The following MAST2 variants were observed in gnomAD, a reference collection of about 807,000 sequenced individuals.
The protein encoded by MAST2 is microtubule associated serine/threonine kinase 2.
A neutral mutation model predicts 147.4 loss-of-function variants in MAST2; 70 were observed. The ratio of observed to expected loss-of-function variants is 0.47; its 90% CI spans 0.39 to 0.58. The LOEUF (loss-of-function observed/expected upper bound fraction) is 0.58. Among genes scored for constraint, MAST2 ranks in the 20% least tolerant of loss-of-function variants. MAST2 has a pLI of 0.00. For missense variants in MAST2, 2,080 were observed against 2,302.3 expected (o/e 0.90, Z 1.98); for synonymous variants, 869 against 896.8 (o/e 0.97, Z 0.55).
chr1:45,942,269 G>T (rs1239684350), intron 4 of MAST2, among the ~76,000 whole-genome samples: 1 of 151,968 alleles, frequency 6.6e-6, no homozygotes, highest in African/African-American at 2.4e-5. Context: ...CAAAATTACA[G>T]TAATGTTGTA....
chr1:45,860,278 G>A (rs1645934374), intron 3 of MAST2, among the ~76,000 whole-genome samples: 2 of 149,952 alleles, frequency 1.3e-5, no homozygotes, highest in Admixed American at 1.3e-4. Flanking sequence ...CAGCTACTCG[G>A]GAGGCTGAGG....
chr1:45,883,732 T>G (rs1646944103), intron 4 of MAST2, among the ~76,000 whole-genome samples: 1 of 152,098 alleles, frequency 6.6e-6, no homozygotes, highest in African/African-American at 2.4e-5. Context: ...AAATTCAGTT[T>G]CTAGCAGTGG....
At chr1:45,947,096 G>A (rs1658151314) in intron 4 of MAST2, among the ~76,000 whole-genome samples, 1 of 151,980 alleles carries the variant, frequency 6.6e-6, no homozygotes, top group East Asian at 1.9e-4. Flanking sequence ...CTTGACTTAG[G>A]GAAAGCTATG....
chr1:46,019,479 G>C lies in MAST2; in HGVS notation c.1189-117G>C. The C allele has an allele frequency of 1.6e-5, 12 of 735,990 alleles. No individual in the cohort carries two copies. The South Asian group carries it at 2.1e-4, about 13-fold the overall frequency. 45.6% of individuals were successfully genotyped at this position (735,990 alleles called of 1,614,324 possible). On this transcript the variant is annotated intron_variant, in intron 10 of 28. Transcript: ENST00000361297. ...CAGCCTTCTCTGAGTTCCTTGCTTT[G>C]CGGAGCTCTCTATGCTACCGAATTG...
intron 3 of MAST2, among the ~76,000 whole-genome samples, chr1:45,866,603 G>A (rs891929023): frequency 6.6e-6 from 1 of 152,116 alleles, no homozygotes; most frequent in East Asian, 1.9e-4. Context: ...TCTAGTATTT[G>A]CTACCTTGTT....
intron 5 of MAST2, among the ~76,000 whole-genome samples, chr1:45,966,891 G>C (rs1350209299): frequency 7.1e-5 from 10 of 141,014 alleles, no homozygotes; most frequent in African/African-American, 1.1e-4. Context: ...TTTTAAGGCA[G>C]GGTCTCACGC....
At chr1:46,001,083 T>G in intron 6 of MAST2, 1 of 904,446 alleles carries the variant, frequency 1.1e-6, no homozygotes. Flanking sequence ...GTGATGATTC[T>G]TCTCTGACTG....
intron 10 of MAST2, among the ~76,000 whole-genome samples, chr1:46,019,107 A>G (rs945182649): frequency 5.9e-5 from 9 of 151,990 alleles, no homozygotes; most frequent in Non-Finnish European, 1.0e-4. Flanking sequence ...TGCCTTTTTC[A>G]TCTGAATTAT....
In MAST2 at chr1:45,978,405, A is replaced by G. The variant is rs140602213; in HGVS notation, c.592+18928A>G. ...GTGGCGCACACCTGTAATCCCAGCT[A>G]CTCAGGAGGCCGAGGCAAAAGAATT... On this transcript the variant is annotated intron_variant, in intron 5 of 28. Coordinates refer to ENST00000361297, the MANE Select transcript of MAST2 (RefSeq NM_015112.3). Among the ~76,000 whole-genome samples, 853 of 152,258 alleles carry G rather than the reference A, an allele frequency of 5.6e-3. 12 individuals carry two copies. The highest frequency in any genetic ancestry group is 0.02 in the African/African-American group (813 of 41,550).
chr1:45,820,893 C>CTTTT lies in MAST2; in HGVS notation c.178-3519_178-3516dup, dbSNP rs769508054. 3.2e-3 allele frequency among the ~76,000 whole-genome samples: 136 copies of CTTTT among 43,078 alleles called. 2 individuals are homozygous for CTTTT. Among genetic ancestry groups the CTTTT allele is most frequent in the African/African-American group, 6.7e-3 (69 of 10,236 alleles). The allele number at this position is 43,078 out of a possible 152,430, so 28.3% of individuals were successfully genotyped here. A position where few individuals can be genotyped will look rare whatever the true frequency, so the allele number is the denominator to read the frequency against. On this transcript the variant is annotated intron_variant, in intron 1 of 28. Transcript: ENST00000361297. ...TCGATTTCAATTTCTCTTTCTTTCT[C>CTTTT]TTTTTTTTTTTTTTTTTTTTTTTTG...
intron 4 of MAST2, among the ~76,000 whole-genome samples, chr1:45,896,042 ATTTT>A (rs71062724): frequency 7.7e-6 from 1 of 129,346 alleles, no homozygotes. Flanking sequence ...TATTTCTTAG[ATTTT>A]TTTTTTTTTT....
At chr1:45,838,474 A>G (rs1445349170) in intron 3 of MAST2, among the ~76,000 whole-genome samples, 1 of 151,292 alleles carries the variant, frequency 6.6e-6, no homozygotes, top group Non-Finnish European at 1.5e-5. Context: ...CCACCCGCCT[A>G]GGCTTTCCAA....
intron 10 of MAST2, among the ~76,000 whole-genome samples, chr1:46,013,749 A>G (rs1171968591): frequency 6.6e-6 from 1 of 152,142 alleles, no homozygotes; most frequent in East Asian, 1.9e-4. Flanking sequence ...GTGTAGCTGT[A>G]GAGACAGACA....
At chr1:45,882,200 AAAAAAAT>A in intron 3 of MAST2, among the ~76,000 whole-genome samples, 157 bp from the exon 4 acceptor site, 1 of 126,192 alleles carries the variant, frequency 7.9e-6, no homozygotes. Flanking sequence ...TCAAAAAAAA[AAAAAAAT>A]AAATAAAATT....
chr1:46,029,747 A>G, intron 19 of MAST2, 84 bp from the exon 20 acceptor site: 1 of 1,531,988 alleles, frequency 6.5e-7, no homozygotes, highest in Non-Finnish European at 8.9e-7. Context: ...ATAGCTTCTG[A>G]AGGTCTGGCT....
At chr1:46,002,407 A>G (rs951818300) in intron 6 of MAST2, among the ~76,000 whole-genome samples, 32 of 152,314 alleles carry the variant, frequency 2.1e-4, no homozygotes, top group African/African-American at 6.7e-4. Context: ...AGAGCCCTTA[A>G]CACGGAGCCT....
intron 4 of MAST2, among the ~76,000 whole-genome samples, chr1:45,885,993 G>T (rs1647065487): frequency 6.6e-6 from 1 of 152,010 alleles, no homozygotes; most frequent in Admixed American, 6.6e-5. Flanking sequence ...GCTGGGTGTG[G>T]TGGTTCACAC....
intron 5 of MAST2, among the ~76,000 whole-genome samples, chr1:45,986,822 G>A (rs574917700): frequency 6.6e-6 from 1 of 152,122 alleles, no homozygotes; most frequent in Non-Finnish European, 1.5e-5. Flanking sequence ...TATTCATAAG[G>A]AATATTAGTC....
intron 5 of MAST2, among the ~76,000 whole-genome samples, chr1:45,981,847 T>G (rs1008841133): frequency 3.0e-4 from 19 of 62,936 alleles, no homozygotes; most frequent in Non-Finnish European, 5.6e-4. Flanking sequence ...TAATTTTGGC[T>G]TTTTTTTTTT....
Sources: allele counts gnomAD v4.1 joint callset (sites outside exome capture counted in the v4.1 genomes callset), GRCh38; gene constraint gnomAD v4.1.1; transcripts MANE v1.5; gene names NCBI Gene and HGNC (gene_info 2026-07-23, HGNC 2026-07-21).